The following DMD variants were observed in gnomAD, a reference collection of about 807,000 sequenced individuals.
DMD encodes dystrophin.
Under a neutral mutation model 330.1 loss-of-function variants are expected in DMD, and 63 were observed. That is an observed-to-expected ratio of 0.19 (90% CI 0.16 to 0.24). The LOEUF (loss-of-function observed/expected upper bound fraction) is 0.24, where lower values mean the gene tolerates loss of function less well. Ranked by LOEUF, DMD falls within the 10% of genes least tolerant of loss-of-function variation. DMD has a pLI of 1.00. For synonymous variants in DMD, 1,223 were observed against 959.8 expected (o/e 1.27, Z -5.07); for missense variants, 3,344 against 2,684.1 (o/e 1.25, Z -5.43).
intron 45 of DMD, among the ~76,000 whole-genome samples, chrX:31,955,596 A>G (rs977508470): frequency 8.9e-6 from 1 of 112,447 alleles, no homozygotes; most frequent in African/African-American, 3.2e-5. Flanking sequence ...TAACTGAGAT[A>G]TTGCGACAAT....
At chrX:31,140,807 CAGTAACGACAATGAG>C (rs1569329071) in intron 76 of DMD, among the ~76,000 whole-genome samples, 2 of 111,945 alleles carry the variant, frequency 1.8e-5, no homozygotes, top group East Asian at 2.8e-4. Context: ...TATCCTCATA[CAGTAACGACAATGAG>C]CAAGACTTAC....
intron 15 of DMD, among the ~76,000 whole-genome samples, chrX:32,569,487 A>C (rs996902982): frequency 8.9e-6 from 1 of 112,054 alleles, no homozygotes; most frequent in South Asian, 3.7e-4. Flanking sequence ...AATGCAGATG[A>C]CTAGGCTCCA....
intron 44 of DMD, among the ~76,000 whole-genome samples, chrX:32,037,472 T>C (rs1193363589): frequency 8.9e-6 from 1 of 112,460 alleles, no homozygotes; most frequent in East Asian, 2.8e-4. Flanking sequence ...TAATTATTTC[T>C]AATGATAGAT....
chrX:32,448,660 C>CT (rs1219306428), intron 26 of DMD, 22 bp from the exon 27 acceptor site: 4 of 1,157,797 alleles, frequency 3.5e-6, no homozygotes, highest in Non-Finnish European at 4.6e-6. Flanking sequence ...AGAATGCTCT[C>CT]TTAATAGCAT....
At chrX:32,299,089 C>A (rs368098050) in intron 42 of DMD, among the ~76,000 whole-genome samples, 1 of 110,329 alleles carries the variant, frequency 9.1e-6, no homozygotes, top group East Asian at 2.8e-4. Flanking sequence ...TGCACTAACA[C>A]AGGAAAATGG....
At chrX:31,245,475 C>T (rs2048738658) in intron 63 of DMD, among the ~76,000 whole-genome samples, 1 of 111,795 alleles carries the variant, frequency 8.9e-6, no homozygotes, top group African/African-American at 3.3e-5. Context: ...TTTAAAGAGG[C>T]TCATTACAGG....
intron 2 of DMD, among the ~76,000 whole-genome samples, chrX:32,891,694 C>T (rs1024366720): frequency 3.6e-5 from 4 of 111,731 alleles, no homozygotes; most frequent in Non-Finnish European, 5.6e-5. Flanking sequence ...TCTGTTGAGA[C>T]AAAATGAAAA....
chrX:31,835,955 A>G (rs1237262144), intron 49 of DMD, among the ~76,000 whole-genome samples: 1 of 111,848 alleles, frequency 8.9e-6, no homozygotes, highest in Non-Finnish European at 1.9e-5. Flanking sequence ...TCATAATGGG[A>G]GCCATTATAA....
intron 7 of DMD, among the ~76,000 whole-genome samples, chrX:32,742,321 T>C (rs2069393307): frequency 8.9e-6 from 1 of 112,083 alleles, no homozygotes; most frequent in Non-Finnish European, 1.9e-5. Flanking sequence ...ATATTCTTCG[T>C]GCCCACTGGG....
At chrX:32,413,555 T>C (rs1256911284) in intron 29 of DMD, among the ~76,000 whole-genome samples, 1 of 109,940 alleles carries the variant, frequency 9.1e-6, no homozygotes, top group Non-Finnish European at 1.9e-5. Flanking sequence ...TACTATATCT[T>C]ACCTCAAATA....
At chrX:31,165,551 T>G (rs970912130) in intron 74 of DMD, among the ~76,000 whole-genome samples, 2 of 111,840 alleles carry the variant, frequency 1.8e-5, no homozygotes, top group African/African-American at 6.5e-5. Flanking sequence ...AGAGCAAGTC[T>G]TGGTTTATTT....
intron 49 of DMD, among the ~76,000 whole-genome samples, chrX:31,833,358 A>AC (rs2093115030): frequency 1.2e-5 from 1 of 85,507 alleles, no homozygotes; most frequent in Non-Finnish European, 2.3e-5. Context: ...GGAGGGAGGG[A>AC]AAGAGAGAGA....
At chrX:32,564,858 T>C (rs959660394) in intron 16 of DMD, among the ~76,000 whole-genome samples, 15 of 111,710 alleles carry the variant, frequency 1.3e-4, no homozygotes, top group African/African-American at 4.9e-4. Flanking sequence ...AGAGGAAATA[T>C]TTGCCTAAAA....
chrX:32,166,858 C>A (rs1367105283), intron 44 of DMD, among the ~76,000 whole-genome samples: 1 of 111,905 alleles, frequency 8.9e-6, no homozygotes, highest in Non-Finnish European at 1.9e-5. Flanking sequence ...TTCTGTGATA[C>A]AAAGAAAAAC....
At chrX:32,426,438 C>A (rs111383848) in intron 29 of DMD, among the ~76,000 whole-genome samples, 1 of 111,517 alleles carries the variant, frequency 9.0e-6, no homozygotes, top group African/African-American at 3.3e-5. Context: ...GATGCCATCT[C>A]GCACCAGTCA....
At chrX:31,881,606 A>AG (rs2094069344) in intron 47 of DMD, among the ~76,000 whole-genome samples, 1 of 111,552 alleles carries the variant, frequency 9.0e-6, no homozygotes, top group Non-Finnish European at 1.9e-5. Flanking sequence ...ACTATTTTTT[A>AG]TCATTTGTAT....
chrX:32,954,037 A>T (rs2091422251), intron 2 of DMD, among the ~76,000 whole-genome samples: 1 of 112,021 alleles, frequency 8.9e-6, no homozygotes, highest in African/African-American at 3.2e-5. Flanking sequence ...TCATTGTTTC[A>T]TTTTATTATT....
chrX:31,264,052 G>A (rs1298356370), intron 62 of DMD, among the ~76,000 whole-genome samples: 6 of 112,227 alleles, frequency 5.3e-5, no homozygotes, highest in Non-Finnish European at 1.1e-4. Flanking sequence ...TGGACTGGAT[G>A]AAACTGTAAG....
intron 7 of DMD, among the ~76,000 whole-genome samples, chrX:32,800,009 T>C (rs1186017927): frequency 3.6e-5 from 4 of 111,753 alleles, no homozygotes; most frequent in African/African-American, 1.3e-4. Context: ...GACTTCCTAA[T>C]TTTATAAAGC....
Sources: allele counts gnomAD v4.1 joint callset (sites outside exome capture counted in the v4.1 genomes callset), GRCh38; gene constraint gnomAD v4.1.1; transcripts MANE v1.5; gene names NCBI Gene and HGNC (gene_info 2026-07-23, HGNC 2026-07-21).